The following CABP1 variants were observed in gnomAD, a reference collection of about 807,000 sequenced individuals.
CABP1 encodes calcium binding protein 1.
A neutral mutation model predicts 34.3 loss-of-function variants in CABP1; 17 were observed. The observed-to-expected ratio is 0.50, with a 90% CI of 0.34 to 0.74. The LOEUF is 0.74. Ranked by LOEUF, CABP1 falls within the 30% of genes least tolerant of loss-of-function variation. The pLI is 0.01. For synonymous variants in CABP1, 198 were observed against 229.2 expected (o/e 0.86, Z 1.23); for missense variants, 373 against 511.1 (o/e 0.73, Z 2.61).
rs1284526706 is a variant in CABP1, at chr12:120,641,294, G to A, written c.609G>A (p.Pro203=). 3.0e-6 allele frequency: 4 copies of A among 1,322,022 alleles called. No homozygotes were observed. The highest frequency in any genetic ancestry group is 3.9e-6 in the Non-Finnish European group (4 of 1,036,890). The allele number at this position is 1,322,022 out of a possible 1,614,324, so 81.9% of individuals were successfully genotyped here. A position where few individuals can be genotyped will look rare whatever the true frequency, so the allele number is the denominator to read the frequency against. The change falls in exon 1 of 6, where the codon CCG becomes CCA. Residue 203 remains proline (P), a synonymous_variant. Transcript: ENST00000316803. The surrounding 1 kb of genome is among the most constrained non-coding windows in gnomAD (Gnocchi z 6.7). ...SVPAAASEAD[P]FLHRLRPMLS... ...CAGCCGCCGCGTCCGAGGCGGACCC[G>A]TTCCTCCACCGGCTGCGCCCCATGC...
chr12:120,680,696 G>A, the CABP1 span, among the ~76,000 whole-genome samples: 1 of 152,150 alleles, frequency 6.6e-6, no homozygotes, highest in Admixed American at 6.5e-5. Context: ...GGTCTATCCT[G>A]AGAGCAAACC....
intron 1 of CABP1, among the ~76,000 whole-genome samples, chr12:120,655,060 G>T (rs1846942375): frequency 1.3e-5 from 2 of 152,202 alleles, no homozygotes; most frequent in African/African-American, 4.8e-5. Context: ...TGTGCCTTGT[G>T]TGGCCCACCC....
At chr12:120,670,470 G>A (rs987454389), downstream of CABP1, among the ~76,000 whole-genome samples, 5 of 152,134 alleles carry the variant, frequency 3.3e-5, no homozygotes, top group African/African-American at 4.8e-5. Flanking sequence ...GTCTAAGGCC[G>A]AGCGAGGTGG....
chr12:120,661,315 T>C lies in CABP1; in HGVS notation c.1087+97T>C. On this transcript the variant is annotated intron_variant, in intron 5 of 5. Coordinates refer to ENST00000316803, the MANE Select transcript of CABP1 (RefSeq NM_001033677.2). The surrounding 1 kb of genome is among the most constrained non-coding windows in gnomAD (Gnocchi z 5.1). ...CCATCATGCAACCATCAATCCGCCC[T>C]AATTTTCCAACCCCCAGCCCTTTCA... is the stretch of plus-strand genomic sequence containing the variant. The C allele has an allele frequency of 7.0e-7, 1 of 1,432,160 alleles. No individual in the cohort carries two copies. The highest frequency in any genetic ancestry group is 9.4e-7 in the Non-Finnish European group (1 of 1,064,828). 88.7% of individuals were successfully genotyped at this position (1,432,160 alleles called of 1,614,324 possible).
chr12:120,647,097 C>G (rs1267528526), intron 1 of CABP1, among the ~76,000 whole-genome samples: 1 of 152,180 alleles, frequency 6.6e-6, no homozygotes, highest in Non-Finnish European at 1.5e-5. Context: ...GGTGCTATGC[C>G]CGGACTGGCC....
chr12:120,650,035 T>TTGTG (rs10599146), intron 1 of CABP1: 75 of 149,300 alleles, frequency 5.0e-4, no homozygotes, highest in South Asian at 1.3e-3. Flanking sequence ...GCATGCACGT[T>TTGTG]TGTGTGTGTG....
intron 1 of CABP1, chr12:120,659,537 G>A (rs1880489029): frequency 4.2e-6 from 1 of 236,112 alleles, no homozygotes. Context: ...TGTCCAGGGT[G>A]ACAGAGTGCA....
intron 1 of CABP1, among the ~76,000 whole-genome samples, chr12:120,649,704 G>GGGCC (rs972392833): frequency 2.6e-5 from 4 of 152,080 alleles, no homozygotes; most frequent in Non-Finnish European, 5.9e-5. Flanking sequence ...GCTCCCCTCG[G>GGGCC]GGCCATCTCC....
intron 1 of CABP1, among the ~76,000 whole-genome samples, chr12:120,657,515 C>T (rs1201071009): frequency 1.3e-5 from 2 of 152,138 alleles, no homozygotes; most frequent in Non-Finnish European, 2.9e-5. Flanking sequence ...GTGCGTCTCC[C>T]CAGCCACATG....
intron 1 of CABP1, among the ~76,000 whole-genome samples, chr12:120,650,889 CTG>C (rs34184931): frequency 0.35 from 53,334 of 151,870 alleles, 10,340 homozygotes; most frequent in Non-Finnish European, 0.44. Context: ...CGGGGTGAAA[CTG>C]TGTTTGGGAA....
chr12:120,662,842 G>A (rs1463130863), intron 5 of CABP1, among the ~76,000 whole-genome samples: 3 of 151,514 alleles, frequency 2.0e-5, no homozygotes, highest in Admixed American at 6.6e-5. Context: ...CTACCACCAC[G>A]TCCAGCTAGT....
chr12:120,673,647 G>T, the CABP1 span, among the ~76,000 whole-genome samples: 9,826 of 152,132 alleles, frequency 0.065, 378 homozygotes, highest in Admixed American at 0.12. Flanking sequence ...CAGCTATCTG[G>T]TTTCCAATCT....
chr12:120,654,357 T>C (rs772414803), intron 1 of CABP1, among the ~76,000 whole-genome samples: 1 of 151,962 alleles, frequency 6.6e-6, no homozygotes, highest in African/African-American at 2.4e-5. Flanking sequence ...CCACAGGGCT[T>C]TGGGGAGAGG....
chr12:120,647,541 G>A (rs894889222), intron 1 of CABP1, among the ~76,000 whole-genome samples: 24 of 144,884 alleles, frequency 1.7e-4, no homozygotes, highest in African/African-American at 5.2e-4. Context: ...CCAAGTCAGC[G>A]TGACTCCTCA....
At chr12:120,680,200 G>A in the CABP1 span, among the ~76,000 whole-genome samples, 20 of 152,222 alleles carry the variant, frequency 1.3e-4, no homozygotes, top group African/African-American at 3.6e-4. Flanking sequence ...CTTCCATGTC[G>A]TCTGCATTTT....
At chr12:120,647,672 A>G (rs1879609636) in intron 1 of CABP1, among the ~76,000 whole-genome samples, 1 of 140,648 alleles carries the variant, frequency 7.1e-6, no homozygotes, top group South Asian at 2.3e-4. Context: ...GGTTCAAGGG[A>G]TTCTCTTGCC....
At chr12:120,652,775 G>C (rs1009593696) in intron 1 of CABP1, among the ~76,000 whole-genome samples, 17 of 152,092 alleles carry the variant, frequency 1.1e-4, no homozygotes, top group African/African-American at 4.1e-4. Flanking sequence ...GCATACTCTT[G>C]GCCAGCTTGT....
chr12:120,680,526 G>A, the CABP1 span, among the ~76,000 whole-genome samples: 1 of 152,142 alleles, frequency 6.6e-6, no homozygotes, highest in African/African-American at 2.4e-5. Flanking sequence ...AGTGTTTCTG[G>A]GCTCTCAGAT....
the CABP1 span, among the ~76,000 whole-genome samples, chr12:120,680,698 G>A: frequency 6.6e-6 from 1 of 152,142 alleles, no homozygotes; most frequent in Non-Finnish European, 1.5e-5. Context: ...TCTATCCTGA[G>A]AGCAAACCTG....
Sources: gnomAD v4.1 joint callset for allele counts (sites outside exome capture counted in the v4.1 genomes callset) on GRCh38, gnomAD v4.1.1 for gene constraint, Gnocchi (gnomAD v3.1) non-coding constraint, MANE v1.5 for transcripts, NCBI Gene and HGNC (gene_info 2026-07-23, HGNC 2026-07-21) for gene names.